TMED2: variants seen among roughly 807,000 people sequenced by gnomAD.
TMED2 encodes transmembrane p24 trafficking protein 2, also known as transmembrane emp24 domain-containing protein 2.
TMED2 carries 3 observed loss-of-function variants against 17.5 expected under a neutral mutation model. The ratio of observed to expected loss-of-function variants is 0.17; its 90% CI spans 0.08 to 0.44. The LOEUF is 0.44. TMED2 is among the 20% of genes least tolerant of loss of function. The pLI is 0.99. For missense variants in TMED2, 149 were observed against 254.8 expected, an observed-to-expected ratio of 0.58 and a Z score of 2.83; for synonymous variants, 95 against 91.0, an observed-to-expected ratio of 1.04 and a Z score of -0.25.
At chr12:123,586,166 G>A (rs1886341816) in intron 1 of TMED2, 1 of 152,102 alleles carries the variant, frequency 6.6e-6, no homozygotes, top group South Asian at 2.1e-4. Context: ...CACATTTAAG[G>A]TGAGCTTTCT....
intron 2 of TMED2, chr12:123,587,517 G>C: frequency 1.0e-6 from 1 of 957,842 alleles, no homozygotes. Context: ...GCTAATCCTG[G>C]CATATACTTT....
At chr12:123,589,990 A>G (rs1406809679) in intron 2 of TMED2, among the ~76,000 whole-genome samples, 1 of 151,692 alleles carries the variant, frequency 6.6e-6, no homozygotes, top group African/African-American at 2.4e-5. Context: ...GTCTTGAAAA[A>G]AAAAAAAGAT....
At chr12:123,594,430 A>C (rs1953415594) in intron 3 of TMED2, among the ~76,000 whole-genome samples, 1 of 151,968 alleles carries the variant, frequency 6.6e-6, no homozygotes, top group Non-Finnish European at 1.5e-5. Context: ...CACTGTGCCC[A>C]GCCTACATAG....
At chr12:123,587,735 G>A in intron 2 of TMED2, 1 of 1,062,276 alleles carries the variant, frequency 9.4e-7, no homozygotes, top group South Asian at 1.6e-5. Context: ...GCATGAGAGT[G>A]TTTTTTTCTC....
chr12:123,592,442 A>G (rs1953398877), intron 3 of TMED2, among the ~76,000 whole-genome samples: 1 of 3,300 alleles, frequency 3.0e-4, no homozygotes, highest in Admixed American at 6.0e-3. Flanking sequence ...GAGGAAGCAC[A>G]TGTCTTCCGT....
At chr12:123,588,249 T>G (rs562338005) in intron 2 of TMED2, among the ~76,000 whole-genome samples, 5 of 152,280 alleles carry the variant, frequency 3.3e-5, no homozygotes, top group Non-Finnish European at 7.4e-5. Context: ...AGTCATTGTT[T>G]CACACATTTC....
Position 123,590,394 on chromosome 12 carries a change from A to G in TMED2, c.426A>G (p.Thr142=). ...TCAATGAGCTAGCAGTGGCGATGAC[A>G]GCTGTAAAGCACGAACAGGAATACA... ...EMINELAVAM[T]AVKHEQEYME... Residue 142 remains threonine, a synonymous_variant, in exon 3 of 4, where the codon ACA becomes ACG. Coordinates refer to ENST00000262225, the MANE Select transcript of TMED2 (RefSeq NM_006815.4). The G allele has an allele frequency of 6.2e-7, 1 of 1,610,566 alleles. No individual in the cohort carries two copies. The highest frequency in any genetic ancestry group is 8.5e-7 in the Non-Finnish European group (1 of 1,177,686).
chr12:123,589,263 A>G (rs1220791104), intron 2 of TMED2, among the ~76,000 whole-genome samples: 1 of 152,218 alleles, frequency 6.6e-6, no homozygotes, highest in East Asian at 1.9e-4. Flanking sequence ...TTGTCAAAGA[A>G]GAATGTTTGA....
chr12:123,586,751 C>T lies in TMED2; in HGVS notation c.185C>T (p.Thr62Ile). 1 of 1,594,402 alleles carries T rather than the reference C, an allele frequency of 6.3e-7. No individual in the cohort carries two copies. Among genetic ancestry groups the T allele is most frequent in the Non-Finnish European group, 8.6e-7 (1 of 1,169,126 alleles). The change falls in exon 2 of 4, where the codon ACA becomes ATA. Residue 62 changes from threonine (T) to isoleucine (I), a missense_variant. By Grantham distance (89) the Thr-to-Ile change is moderately conservative. Coordinates refer to ENST00000262225, the MANE Select transcript of TMED2 (RefSeq NM_006815.4). ...GGFLDIDVEI[T>I]GPDNKGIYKG... ...GCATTTCTCTCTTGCCTCCAGATTA[C>T]AGGACCAGATAACAAAGGAATTTAC...
chr12:123,587,329 T>C (rs773604284), intron 2 of TMED2, among the ~76,000 whole-genome samples: 1 of 152,056 alleles, frequency 6.6e-6, no homozygotes, highest in South Asian at 2.1e-4. Flanking sequence ...GGTTTCACCA[T>C]GTTGGCCAGG....
rs1037598518 is a variant in TMED2 at position 123,597,964 on chromosome 12, G to A, written c.*1235G>A. ...CAGGATAAACCATACTTCCACCTTG[G>A]GTGAGAACACTTGCAACAGTTTATT... is the stretch of plus-strand genomic sequence containing the variant. On this transcript the variant is annotated 3_prime_UTR_variant, in exon 4 of 4. Transcript: ENST00000262225. 6.6e-6 allele frequency: 1 copy of A among 152,084 alleles called. No individual in the cohort carries two copies. The highest frequency in any genetic ancestry group is 2.4e-5 in the African/African-American group (1 of 41,208). 9.4% of individuals were successfully genotyped at this position (152,084 alleles called of 1,614,324 possible). A position where few individuals can be genotyped will look rare whatever the true frequency, so the allele number is the denominator to read the frequency against.
intron 3 of TMED2, among the ~76,000 whole-genome samples, chr12:123,593,240 A>AT (rs200243502): frequency 0.14 from 21,834 of 150,932 alleles, 1,798 homozygotes; most frequent in African/African-American, 0.23. Flanking sequence ...TTTTCTTTTT[A>AT]CAGACTCTCT....
rs769014150 is a variant in TMED2 at position 123,584,839 on chromosome 12, T to A, written c.180+23T>A. 1.4e-5 allele frequency: 22 copies of A among 1,603,250 alleles called. No homozygotes were observed. In the South Asian group the frequency reaches 2.3e-4, roughly 17 times the overall value. ...GAGGTGCGGGCTAGCTGCCCGCAGC[T>A]GAGGCTTGGTCGCGTGGCCACTCGG... On this transcript the variant is annotated intron_variant, in intron 1 of 3. Transcript: ENST00000262225.
intron 3 of TMED2, among the ~76,000 whole-genome samples, chr12:123,595,191 T>C (rs1483537707): frequency 6.6e-6 from 1 of 152,168 alleles, no homozygotes; most frequent in Non-Finnish European, 1.5e-5. Context: ...ATTGCGCCAC[T>C]GCCCTCCAGC....
In TMED2 at chr12:123,597,845, T is replaced by G. The variant is rs1953442515; in HGVS notation, c.*1116T>G. 8.9e-6 allele frequency: 1 copy of G among 112,190 alleles called. No homozygotes were observed. Among genetic ancestry groups the G allele is most frequent in the South Asian group, 3.0e-4 (1 of 3,356 alleles). The allele number at this position is 112,190 out of a possible 1,614,324, so 6.9% of individuals were successfully genotyped here. On this transcript the variant is annotated 3_prime_UTR_variant, in exon 4 of 4. Coordinates refer to ENST00000262225, the MANE Select transcript of TMED2 (RefSeq NM_006815.4). ...GTGACTGATACATATTAGTTACTTGTGCTTTTTTTTTTTTTTTTGGATCTT... is the reference window on the plus strand; with the variant it reads ...GTGACTGATACATATTAGTTACTTGGGCTTTTTTTTTTTTTTTTGGATCTT...
At chr12:123,589,349 G>T (rs758215001) in intron 2 of TMED2, among the ~76,000 whole-genome samples, 1 of 152,194 alleles carries the variant, frequency 6.6e-6, no homozygotes, top group South Asian at 2.1e-4. Flanking sequence ...GTCTGTTTTG[G>T]TGCTGCTCCT....
At chr12:123,596,364 G>A (rs1164489322) in intron 3 of TMED2, among the ~76,000 whole-genome samples, 1 of 152,142 alleles carries the variant, frequency 6.6e-6, no homozygotes, top group East Asian at 1.9e-4. Context: ...GTTTTACGTA[G>A]GCTAGGCTAA....
chr12:123,596,521 G>A, intron 3 of TMED2, 84 bp from the exon 4 acceptor site: 11 of 1,502,882 alleles, frequency 7.3e-6, no homozygotes, highest in Non-Finnish European at 9.8e-6. Flanking sequence ...CTTTCACACA[G>A]AGTGAAGACT....
chr12:123,592,665 T>C (rs7960056), intron 3 of TMED2, among the ~76,000 whole-genome samples: 2,134 of 152,324 alleles, frequency 0.014, 54 homozygotes, highest in African/African-American at 0.048. Flanking sequence ...TCCTCAGCAG[T>C]GAACATAATG....
Sources: allele counts gnomAD v4.1 joint callset (sites outside exome capture counted in the v4.1 genomes callset), GRCh38; gene constraint gnomAD v4.1.1; transcripts MANE v1.5; gene names NCBI Gene and HGNC (gene_info 2026-07-23, HGNC 2026-07-21).